Variants in PDE4D observed in about 807,000 individuals in gnomAD.
PDE4D encodes 3',5'-cyclic-AMP phosphodiesterase 4D.
Under a neutral mutation model 87.4 loss-of-function variants are expected in PDE4D, and 24 were observed. The observed-to-expected ratio is 0.27, with a 90% CI of 0.20 to 0.39. PDE4D has a LOEUF of 0.39. PDE4D is among the 10% of genes least tolerant of loss of function. The pLI is 1.00. For synonymous variants in PDE4D, 384 were observed against 383.2 expected (o/e 1.00, Z -0.02); for missense variants, 714 against 1,041.0 (o/e 0.69, Z 4.32).
At chr5:59,719,480 T>A (rs905344934) in intron 1 of PDE4D, among the ~76,000 whole-genome samples, 9 of 152,184 alleles carry the variant, frequency 5.9e-5, no homozygotes, top group Non-Finnish European at 1.3e-4. Context: ...TTTATTTAAT[T>A]ACGGGTTTAT....
At chr5:60,060,690 G>A (rs114652594) in intron 2 of PDE4D, among the ~76,000 whole-genome samples, 156 of 152,070 alleles carry the variant, frequency 1.0e-3, no homozygotes, top group African/African-American at 3.3e-3. Flanking sequence ...CTGGGACCTG[G>A]CTATTAAATG....
chr5:59,628,739 T>G lies in PDE4D; in HGVS notation c.455+264429A>C, dbSNP rs145759201. 7.9e-3 allele frequency among the ~76,000 whole-genome samples: 1,202 copies of G among 152,242 alleles called. 21 individuals are homozygous for G. Among genetic ancestry groups the G allele is most frequent in the African/African-American group, 0.028 (1,151 of 41,556 alleles). ...GATTCTATGATTTACTTTGGCATAT[T>G]ATATAGGGCAAGGGACTGTGTGTGC... On this transcript the variant is annotated intron_variant, in intron 1 of 14. Coordinates refer to ENST00000340635, the MANE Select transcript of PDE4D (RefSeq NM_001104631.2).
chr5:59,784,251 T>A (rs190640016), intron 1 of PDE4D, among the ~76,000 whole-genome samples: 5,574 of 149,480 alleles, frequency 0.037, 312 homozygotes, highest in African/African-American at 0.13. Flanking sequence ...TTTTTTTTTT[T>A]TAAAAAAAAA....
At chr5:59,091,695 G>T (rs1179312553) in intron 5 of PDE4D, among the ~76,000 whole-genome samples, 1 of 152,010 alleles carries the variant, frequency 6.6e-6, no homozygotes, top group Non-Finnish European at 1.5e-5. Context: ...GATGAAACAG[G>T]AAATTATAGG....
At position 60,052,774 on chromosome 5, in the gene PDE4D, A is replaced by G. The variant is rs192322798; in HGVS notation, c.43-64057T>C. ...GTCTCTGTTTGCAGATGACATGATC[A>G]TATATTTAGAAAACCCCATTGTCTC... On this transcript the variant is annotated intron_variant, in intron 2 of 16. Coordinates refer to the PDE4D transcript ENST00000502484. Among the ~76,000 whole-genome samples, 352 of 152,210 alleles carry G rather than the reference A, an allele frequency of 2.3e-3. 1 individual carries two copies. The highest frequency in any genetic ancestry group is 5.4e-3 in the Admixed American group (83 of 15,282).
chr5:59,827,656 G>A (rs1770482679), intron 1 of PDE4D, among the ~76,000 whole-genome samples: 1 of 152,126 alleles, frequency 6.6e-6, no homozygotes, highest in Non-Finnish European at 1.5e-5. Flanking sequence ...AGGGACAGAA[G>A]AATCAGTTCA....
At position 59,254,579 on chromosome 5, in the gene PDE4D, T is replaced by C. The variant is rs539437368; in HGVS notation, c.456-38611A>G. 3.3e-5 allele frequency among the ~76,000 whole-genome samples: 5 copies of C among 152,170 alleles called. No individual in the cohort carries two copies. The East Asian group carries it at 9.7e-4, about 30-fold the overall frequency. ...CAAGAAGCCCCTGGCCTGACCAACATTGGTCAGAGGAGTCCAGGAAAATAC... is the reference window on the plus strand; with the variant it reads ...CAAGAAGCCCCTGGCCTGACCAACACTGGTCAGAGGAGTCCAGGAAAATAC... On this transcript the variant is annotated intron_variant, in intron 1 of 14. Transcript: ENST00000340635.
chr5:59,692,201 G>A (rs1751066231), intron 1 of PDE4D, among the ~76,000 whole-genome samples: 1 of 152,084 alleles, frequency 6.6e-6, no homozygotes, highest in African/African-American at 2.4e-5. Context: ...ATAAGACATA[G>A]GAAGACTTGA....
At chr5:59,992,124 G>C (rs1244878948) in intron 2 of PDE4D, among the ~76,000 whole-genome samples, 3 of 151,914 alleles carry the variant, frequency 2.0e-5, no homozygotes, top group Non-Finnish European at 4.4e-5. Flanking sequence ...TCAGACTCCT[G>C]TTCTTAAACA....
chr5:59,234,084 C>T (rs2153518565), intron 1 of PDE4D, among the ~76,000 whole-genome samples: 1 of 152,244 alleles, frequency 6.6e-6, no homozygotes, highest in Non-Finnish European at 1.5e-5. Context: ...AAGCAATGTT[C>T]ATTGCTGACT....
intron 1 of PDE4D, among the ~76,000 whole-genome samples, chr5:59,621,753 C>A (rs968580126): frequency 7.2e-5 from 11 of 152,270 alleles, no homozygotes; most frequent in Non-Finnish European, 1.5e-4. Flanking sequence ...GGCAGTGAGG[C>A]ATCCAAATCA....
chr5:59,047,713 G>T (rs1029649867), intron 5 of PDE4D, among the ~76,000 whole-genome samples: 2 of 152,216 alleles, frequency 1.3e-5, no homozygotes, highest in Non-Finnish European at 2.9e-5. Context: ...GAATGTTTGT[G>T]TCTCTCCAAT....
intron 1 of PDE4D, among the ~76,000 whole-genome samples, chr5:60,357,024 G>A (rs746819969): frequency 2.0e-5 from 3 of 152,080 alleles, no homozygotes; most frequent in Non-Finnish European, 4.4e-5. Context: ...GGGAAAAAAT[G>A]AGCTTGATAA....
At chr5:59,997,175 G>GA (rs1259364055) in intron 2 of PDE4D, among the ~76,000 whole-genome samples, 1 of 151,784 alleles carries the variant, frequency 6.6e-6, no homozygotes, top group African/African-American at 2.4e-5. Context: ...GTAGAGGAAG[G>GA]AAAAAAAATA....
chr5:59,045,974 G>A lies in PDE4D; in HGVS notation c.809-7003C>T, dbSNP rs375712122. Among the ~76,000 whole-genome samples, 5 of 152,306 alleles carry A rather than the reference G, an allele frequency of 3.3e-5. No homozygotes were observed. In the South Asian group the frequency reaches 8.3e-4, roughly 25 times the overall value. On this transcript the variant is annotated intron_variant, in intron 5 of 14. Transcript: ENST00000340635. Reference sequence around the variant, plus strand: ...ACGCAGACATATGTTCCCACAATATGTCAGGTATGAACAGAAGGACTGCCC... The same window carrying A: ...ACGCAGACATATGTTCCCACAATATATCAGGTATGAACAGAAGGACTGCCC...
intron 1 of PDE4D, among the ~76,000 whole-genome samples, chr5:60,409,896 A>AG (rs34525035): frequency 0.7 from 105,900 of 152,024 alleles, 38,447 homozygotes; most frequent in African/African-American, 0.91. Context: ...AAAGCAGGGA[A>AG]GAACAAAGCA....
chr5:59,094,689 A>G (rs1379689507), intron 5 of PDE4D, among the ~76,000 whole-genome samples: 3 of 152,214 alleles, frequency 2.0e-5, no homozygotes, highest in African/African-American at 7.2e-5. Context: ...TGATGCCTAC[A>G]AAATGTTCAA....
chr5:59,582,029 T>G (rs1824250749), intron 1 of PDE4D, among the ~76,000 whole-genome samples: 1 of 152,160 alleles, frequency 6.6e-6, no homozygotes, highest in African/African-American at 2.4e-5. Context: ...TGTTTACAAG[T>G]AAATTGTATT....
At chr5:59,942,218 G>A (rs1175069064) in intron 3 of PDE4D, among the ~76,000 whole-genome samples, 1 of 152,206 alleles carries the variant, frequency 6.6e-6, no homozygotes, top group Non-Finnish European at 1.5e-5. Context: ...AGTGCTTGGA[G>A]TTTTTATTTG....
Sources: gnomAD v4.1 joint callset for allele counts (sites outside exome capture counted in the v4.1 genomes callset) on GRCh38, gnomAD v4.1.1 for gene constraint, MANE v1.5 for transcripts, NCBI Gene and HGNC (gene_info 2026-07-23, HGNC 2026-07-21) for gene names.